PTPRM: variants seen among roughly 807,000 people sequenced by gnomAD.
PTPRM encodes the protein protein tyrosine phosphatase receptor type M, also known as receptor-type tyrosine-protein phosphatase mu.
In PTPRM, 47 loss-of-function variants were observed where a neutral mutation model predicts 186.7. That is an observed-to-expected ratio of 0.25 (90% confidence interval 0.20 to 0.32). The LOEUF (loss-of-function observed/expected upper bound fraction) is 0.32. Ranked by LOEUF, PTPRM falls within the 10% of genes least tolerant of loss-of-function variation. The pLI, the probability that PTPRM is intolerant of heterozygous loss-of-function variation, is 1.00. For synonymous variants in PTPRM, 668 were observed against 674.9 expected, an observed-to-expected ratio of 0.99 and a Z score of 0.16; for missense variants, 1,494 against 1,865.0, an observed-to-expected ratio of 0.80 and a Z score of 3.66.
intron 14 of PTPRM, among the ~76,000 whole-genome samples, chr18:8,215,545 C>CTTTT (rs11334182): frequency 5.2e-4 from 61 of 116,326 alleles, no homozygotes; most frequent in Non-Finnish European, 7.0e-4. Context: ...TCTTTCTTTT[C>CTTTT]TTTTTTTTTT....
intron 23 of PTPRM, among the ~76,000 whole-genome samples, chr18:8,357,676 T>C (rs543104557): frequency 2.0e-5 from 3 of 152,200 alleles, no homozygotes; most frequent in Non-Finnish European, 4.4e-5. Flanking sequence ...GAAATGGCTA[T>C]TTTACTCAAA....
chr18:8,387,351 G>A (rs2148549863), intron 31 of PTPRM, 116 bp downstream of exon 31: 1 of 1,065,288 alleles, frequency 9.4e-7, no homozygotes, highest in Non-Finnish European at 1.3e-6. Flanking sequence ...GTAGGTCTAG[G>A]TGAAGGGGTG....
chr18:8,341,084 A>T (rs1477486458), intron 22 of PTPRM, among the ~76,000 whole-genome samples: 2 of 128,804 alleles, frequency 1.6e-5, no homozygotes, highest in African/African-American at 5.7e-5. Context: ...TGCTGTGAGG[A>T]CAGTGATAAT....
intron 1 of PTPRM, among the ~76,000 whole-genome samples, chr18:7,620,637 G>A (rs2037915185): frequency 6.6e-6 from 1 of 152,124 alleles, no homozygotes; most frequent in Admixed American, 6.6e-5. Flanking sequence ...AAACTCTTGG[G>A]AATTGGAAAT....
chr18:8,061,383 A>C (rs914553395), intron 7 of PTPRM, among the ~76,000 whole-genome samples: 8 of 142,086 alleles, frequency 5.6e-5, no homozygotes. Context: ...TGAATACAGC[A>C]CACTGATGGG....
In PTPRM at chr18:7,888,395, AT is replaced by A; in HGVS notation, c.468+20del. 6.4e-7 allele frequency: 1 copy of A among 1,551,452 alleles called. No individual in the cohort carries two copies. Among genetic ancestry groups the A allele is most frequent in the Non-Finnish European group, 8.7e-7 (1 of 1,152,688 alleles). The stretch of plus-strand genomic sequence containing the variant: ...TTTATCAGGTATGTGCTTTCTTTTT[AT>A]TACATATTTTGAAGCATCCTCTAAT... On this transcript the variant is annotated intron_variant, in intron 3 of 32. Coordinates refer to ENST00000580170, the MANE Select transcript of PTPRM (RefSeq NM_001105244.2).
At chr18:8,359,491 G>A (rs1360574522) in intron 23 of PTPRM, among the ~76,000 whole-genome samples, 1 of 152,252 alleles carries the variant, frequency 6.6e-6, no homozygotes, top group Non-Finnish European at 1.5e-5. Flanking sequence ...ACTTACATCT[G>A]TGCCTGGACT....
At chr18:7,719,401 G>A (rs2040405463) in intron 1 of PTPRM, among the ~76,000 whole-genome samples, 1 of 152,060 alleles carries the variant, frequency 6.6e-6, no homozygotes, top group Admixed American at 6.5e-5. Context: ...CTGGGAGGGT[G>A]TGGGTGATAA....
chr18:7,709,509 A>G (rs917217363), intron 1 of PTPRM, among the ~76,000 whole-genome samples: 4 of 152,174 alleles, frequency 2.6e-5, no homozygotes, highest in African/African-American at 9.6e-5. Flanking sequence ...CTAGAGAAAC[A>G]AGAACAAACT....
At chr18:8,393,979 G>A (rs1355586126) in intron 31 of PTPRM, among the ~76,000 whole-genome samples, 1 of 152,042 alleles carries the variant, frequency 6.6e-6, no homozygotes, top group Non-Finnish European at 1.5e-5. Context: ...TTTTAGTAGC[G>A]ATGGGGTTTC....
chr18:8,251,425 G>A (rs1260011414), intron 17 of PTPRM, among the ~76,000 whole-genome samples: 1 of 152,182 alleles, frequency 6.6e-6, no homozygotes, highest in East Asian at 1.9e-4. Context: ...CTTCAGCAGG[G>A]TTCCTGTATC....
intron 17 of PTPRM, among the ~76,000 whole-genome samples, chr18:8,251,367 A>G (rs2094526869): frequency 6.6e-6 from 1 of 152,238 alleles, no homozygotes; most frequent in Non-Finnish European, 1.5e-5. Flanking sequence ...TTTAGTATAA[A>G]GAACAGAACT....
chr18:7,763,129 C>T (rs1791257023), intron 1 of PTPRM, among the ~76,000 whole-genome samples: 1 of 152,210 alleles, frequency 6.6e-6, no homozygotes, highest in Non-Finnish European at 1.5e-5. Context: ...TCATCCCCTG[C>T]ACCCCCTTGT....
intron 4 of PTPRM, among the ~76,000 whole-genome samples, chr18:7,916,159 T>G (rs182974710): frequency 6.6e-6 from 1 of 152,212 alleles, no homozygotes; most frequent in East Asian, 1.9e-4. Context: ...TGTACACAAT[T>G]CAGGTGATGG....
intron 1 of PTPRM, among the ~76,000 whole-genome samples, chr18:7,589,108 A>G (rs918420778): frequency 4.6e-5 from 7 of 152,180 alleles, no homozygotes; most frequent in Admixed American, 3.9e-4. Context: ...TCAGCCTCCC[A>G]AAGTATGGGG....
At chr18:8,328,729 A>T (rs560029122) in intron 22 of PTPRM, among the ~76,000 whole-genome samples, 30 of 152,364 alleles carry the variant, frequency 2.0e-4, no homozygotes, top group African/African-American at 7.0e-4. Flanking sequence ...AAGTTTATAC[A>T]GACCCTGCCT....
intron 2 of PTPRM, among the ~76,000 whole-genome samples, chr18:7,827,268 A>G (rs558176786): frequency 1.6e-4 from 24 of 152,338 alleles, no homozygotes; most frequent in African/African-American, 5.5e-4. Context: ...CTTTCCTTCA[A>G]TCATACATCA....
At chr18:8,275,389 A>G (rs901585117) in intron 19 of PTPRM, among the ~76,000 whole-genome samples, 2 of 152,204 alleles carry the variant, frequency 1.3e-5, no homozygotes, top group Admixed American at 6.5e-5. Context: ...GGCTTCAGTA[A>G]GCTATGATTG....
At chr18:7,763,070 C>T (rs893741180) in intron 1 of PTPRM, among the ~76,000 whole-genome samples, 3 of 152,126 alleles carry the variant, frequency 2.0e-5, no homozygotes, top group African/African-American at 4.8e-5. Context: ...CCTTAAGGAA[C>T]CTTTTGGGTG....
Sources: allele counts gnomAD v4.1 joint callset (sites outside exome capture counted in the v4.1 genomes callset), GRCh38; gene constraint gnomAD v4.1.1; transcripts MANE v1.5; gene names NCBI Gene and HGNC (gene_info 2026-07-23, HGNC 2026-07-21).